KLF12: variants seen among roughly 807,000 people sequenced by gnomAD.
KLF12 encodes Krueppel-like factor 12.
In KLF12, 9 loss-of-function variants were observed where a neutral mutation model predicts 37.8. The observed-to-expected ratio is 0.24, with a 90% CI of 0.14 to 0.42. The LOEUF is 0.42. Ranked by LOEUF, KLF12 falls within the 10% of genes least tolerant of loss-of-function variation. The pLI is 1.00. For missense variants in KLF12, 411 were observed against 516.0 expected (o/e 0.80, Z 1.97); for synonymous variants, 208 against 202.1 (o/e 1.03, Z -0.25).
At chr13:73,959,705 G>A (rs1239388293) in intron 2 of KLF12, among the ~76,000 whole-genome samples, 1 of 151,820 alleles carries the variant, frequency 6.6e-6, no homozygotes, top group Non-Finnish European at 1.5e-5. Context: ...TTCTCATTAT[G>A]GTTATTTCAG....
At position 73,870,290 on chromosome 13, in the gene KLF12, G is replaced by A. The variant is rs563230603; in HGVS notation, c.124-23917C>T. On this transcript the variant is annotated intron_variant, in intron 3 of 7. Transcript: ENST00000377669. ...ACAACAAAACCAAACCTGTCAGCAA[G>A]TTGAAGATTTACCAGATGCCCATAT... Among the ~76,000 whole-genome samples, 119 of 152,284 alleles carry A rather than the reference G, an allele frequency of 7.8e-4. 1 individual carries two copies. The highest frequency in any genetic ancestry group is 2.9e-3 in the East Asian group (15 of 5,178).
intron 1 of KLF12, among the ~76,000 whole-genome samples, chr13:74,114,209 C>A (rs1453185181): frequency 6.6e-6 from 1 of 152,194 alleles, no homozygotes; most frequent in East Asian, 1.9e-4. Context: ...AGAACCACCA[C>A]CCCGATCAGT....
intron 1 of KLF12, among the ~76,000 whole-genome samples, chr13:74,123,183 G>A (rs1272317101): frequency 6.6e-6 from 1 of 151,960 alleles, no homozygotes; most frequent in Non-Finnish European, 1.5e-5. Flanking sequence ...ACCTATCTGT[G>A]TGTTGGTTGG....
chr13:74,017,384 C>A (rs1213317983), intron 1 of KLF12, among the ~76,000 whole-genome samples: 1 of 149,448 alleles, frequency 6.7e-6, no homozygotes, highest in Admixed American at 6.7e-5. Flanking sequence ...CCAGACAAGT[C>A]ATTTGATTCT....
chr13:73,835,040 G>A (rs1207918134), intron 4 of KLF12, among the ~76,000 whole-genome samples: 1 of 151,354 alleles, frequency 6.6e-6, no homozygotes, highest in African/African-American at 2.4e-5. Flanking sequence ...AGGATGGGAA[G>A]TGGGATAAGC....
intron 1 of KLF12, among the ~76,000 whole-genome samples, chr13:74,117,209 A>G (rs748581220): frequency 3.9e-5 from 6 of 152,186 alleles, no homozygotes; most frequent in Non-Finnish European, 7.4e-5. Context: ...TCATTCTACA[A>G]TGAAATGAGA....
chr13:74,063,037 A>T (rs545619987), intron 1 of KLF12, among the ~76,000 whole-genome samples: 3 of 152,110 alleles, frequency 2.0e-5, no homozygotes, highest in East Asian at 1.9e-4. Flanking sequence ...CAGCAGGAAA[A>T]TTTTTTGCTT....
At chr13:74,265,452 G>GA in the KLF12 span, among the ~76,000 whole-genome samples, 489 of 152,206 alleles carry the variant, frequency 3.2e-3, 3 homozygotes, top group African/African-American at 0.011. Flanking sequence ...CTCACCAAAG[G>GA]AAAAACAGAG....
chr13:73,836,952 C>T (rs1406120119), intron 4 of KLF12, among the ~76,000 whole-genome samples: 4 of 152,230 alleles, frequency 2.6e-5, no homozygotes, highest in South Asian at 2.1e-4. Context: ...TTACCTTATT[C>T]GGTAGTACCT....
At chr13:73,944,158 T>C in intron 2 of KLF12, 88 bp from the exon 3 acceptor site, 1 of 757,906 alleles carries the variant, frequency 1.3e-6, no homozygotes, top group Middle Eastern at 2.3e-4. Flanking sequence ...GTAGTACATT[T>C]AGTATTGCTA....
chr13:73,803,337 C>T (rs1454331571), intron 5 of KLF12, among the ~76,000 whole-genome samples: 1 of 152,172 alleles, frequency 6.6e-6, no homozygotes, highest in East Asian at 1.9e-4. Flanking sequence ...GGCCTCTGCA[C>T]TTGTTATTCC....
chr13:73,745,185 T>G (rs1225710497), intron 6 of KLF12, among the ~76,000 whole-genome samples: 1 of 152,248 alleles, frequency 6.6e-6, no homozygotes, highest in Non-Finnish European at 1.5e-5. Flanking sequence ...GGTTCTGTTT[T>G]GCACATGTGC....
chr13:74,211,868 C>T, the KLF12 span, among the ~76,000 whole-genome samples: 6 of 152,110 alleles, frequency 3.9e-5, no homozygotes, highest in Non-Finnish European at 7.4e-5. Context: ...TTAAAAATAC[C>T]TTTTCATACT....
intron 1 of KLF12, among the ~76,000 whole-genome samples, chr13:73,995,402 G>A (rs1231190233): frequency 2.6e-5 from 4 of 152,100 alleles, no homozygotes; most frequent in African/African-American, 9.7e-5. Context: ...TAAAAAAAAG[G>A]TTTATAAGTA....
the KLF12 span, among the ~76,000 whole-genome samples, chr13:74,279,527 T>TA: frequency 6.6e-6 from 1 of 151,854 alleles, no homozygotes; most frequent in Non-Finnish European, 1.5e-5. Flanking sequence ...TCATTTTTTT[T>TA]TTTTTTAGTC....
chr13:73,723,796 A>G (rs964430523), intron 6 of KLF12, among the ~76,000 whole-genome samples: 6 of 152,224 alleles, frequency 3.9e-5, no homozygotes, highest in African/African-American at 1.4e-4. Flanking sequence ...CATGAAAAAA[A>G]GCTCATCATC....
At chr13:74,299,998 G>C in the KLF12 span, among the ~76,000 whole-genome samples, 1 of 151,968 alleles carries the variant, frequency 6.6e-6, no homozygotes, top group African/African-American at 2.4e-5. Context: ...AGCCTGGGAC[G>C]TAGAAAGCAG....
intron 5 of KLF12, among the ~76,000 whole-genome samples, chr13:73,808,511 C>A (rs986105028): frequency 6.6e-6 from 1 of 151,636 alleles, no homozygotes; most frequent in Non-Finnish European, 1.5e-5. Context: ...CACTAAGCAG[C>A]GGTCTTTTTA....
intron 3 of KLF12, among the ~76,000 whole-genome samples, chr13:73,851,811 T>A (rs1327509799): frequency 6.6e-6 from 1 of 152,202 alleles, no homozygotes; most frequent in Non-Finnish European, 1.5e-5. Flanking sequence ...TTAAACTAAA[T>A]CTATGACTCC....
Sources: gnomAD v4.1 joint callset for allele counts (sites outside exome capture counted in the v4.1 genomes callset) on GRCh38, gnomAD v4.1.1 for gene constraint, MANE v1.5 for transcripts, NCBI Gene and HGNC (gene_info 2026-07-23, HGNC 2026-07-21) for gene names.